TENM4: variants seen among roughly 807,000 people sequenced by gnomAD.
The protein encoded by TENM4 is teneurin transmembrane protein 4, also known as teneurin-4.
A neutral mutation model predicts 243.3 loss-of-function variants in TENM4; 82 were observed. The ratio of observed to expected loss-of-function variants is 0.34; its 90% CI spans 0.28 to 0.40. TENM4 has a LOEUF of 0.40. Ranked by LOEUF, TENM4 falls within the 10% of genes least tolerant of loss-of-function variation. The pLI is 1.00. For synonymous variants in TENM4, 1,412 were observed against 1,456.3 expected (o/e 0.97, Z 0.69); for missense variants, 3,138 against 3,673.3 (o/e 0.85, Z 3.77).
intron 2 of TENM4, among the ~76,000 whole-genome samples, chr11:79,251,812 G>GA (rs57053640): frequency 0.2 from 30,053 of 148,064 alleles, 3,968 homozygotes; most frequent in African/African-American, 0.39. Flanking sequence ...TCGAAAAAAT[G>GA]AAAAAAAAAC....
At chr11:78,946,142 A>G (rs1029804875) in intron 6 of TENM4, among the ~76,000 whole-genome samples, 1 of 152,236 alleles carries the variant, frequency 6.6e-6, no homozygotes. Context: ...TTTCATAGTT[A>G]GAGAGGAAAA....
chr11:78,878,323 G>A lies in TENM4; in HGVS notation c.1084+11462C>T, dbSNP rs376724771. On this transcript the variant is annotated intron_variant, in intron 9 of 33. Transcript: ENST00000278550. Reference sequence around the variant, plus strand: ...TACTAAGTATGACGGAAATTTTTTCGGCCCTCATGGAGCTCATAATCTAAT... The same window carrying A: ...TACTAAGTATGACGGAAATTTTTTCAGCCCTCATGGAGCTCATAATCTAAT... Among the ~76,000 whole-genome samples, 6 of 152,050 alleles carry A rather than the reference G, an allele frequency of 3.9e-5. No individual in the cohort carries two copies. In the South Asian group the frequency reaches 8.3e-4, roughly 21 times the overall value.
At chr11:79,365,615 C>T (rs748278627) in intron 1 of TENM4, among the ~76,000 whole-genome samples, 1 of 152,186 alleles carries the variant, frequency 6.6e-6, no homozygotes, top group Non-Finnish European at 1.5e-5. Flanking sequence ...AACATGACAG[C>T]CACAGCTACT....
chr11:79,234,757 G>A (rs1410223011), intron 2 of TENM4, among the ~76,000 whole-genome samples: 2 of 152,162 alleles, frequency 1.3e-5, no homozygotes, highest in Non-Finnish European at 2.9e-5. Context: ...GAATGGAGGT[G>A]GGTTTATTTC....
intron 10 of TENM4, among the ~76,000 whole-genome samples, chr11:78,857,808 G>A (rs1470094829): frequency 1.3e-5 from 2 of 152,216 alleles, no homozygotes; most frequent in South Asian, 2.1e-4. Context: ...AGATGGAAGA[G>A]AATTATTTAC....
chr11:79,183,959 T>TA, intron 3 of TENM4, among the ~76,000 whole-genome samples: 1 of 152,306 alleles, frequency 6.6e-6, no homozygotes, highest in Non-Finnish European at 1.5e-5. Context: ...TTCCTCAATT[T>TA]AATTATAAAA....
chr11:79,038,095 C>T (rs1859433004), intron 6 of TENM4, among the ~76,000 whole-genome samples: 1 of 152,224 alleles, frequency 6.6e-6, no homozygotes, highest in Non-Finnish European at 1.5e-5. Flanking sequence ...CCGGAGACAA[C>T]CATCGCCTGA....
chr11:78,839,033 G>A (rs567310734), intron 12 of TENM4, among the ~76,000 whole-genome samples: 15 of 152,126 alleles, frequency 9.9e-5, no homozygotes, highest in Admixed American at 9.8e-4. Flanking sequence ...AATATTTGTA[G>A]TACTTCACTA....
chr11:79,244,041 A>AG (rs1855471445), intron 2 of TENM4, among the ~76,000 whole-genome samples: 1 of 152,180 alleles, frequency 6.6e-6, no homozygotes, highest in South Asian at 2.1e-4. Context: ...CCTTTGAGCA[A>AG]GTCCTACGAT....
At position 79,218,709 on chromosome 11, in the gene TENM4, C is replaced by T. The variant is rs183262507; in HGVS notation, c.-264-2800G>A. On this transcript the variant is annotated intron_variant, in intron 2 of 33. Coordinates refer to ENST00000278550, the MANE Select transcript of TENM4 (RefSeq NM_001098816.3). ...TTCAATCTTTCAATCTGTTTATTTC[C>T]TTTTCAAATCCCATCCCTAAATTCC... Among the ~76,000 whole-genome samples, 651 of 152,272 alleles carry T rather than the reference C, an allele frequency of 4.3e-3. 3 individuals carry two copies. Among genetic ancestry groups the T allele is most frequent in the Non-Finnish European group, 6.7e-3 (458 of 68,034 alleles).
chr11:78,777,790 G>T (rs1338682319), intron 17 of TENM4, among the ~76,000 whole-genome samples: 2 of 152,132 alleles, frequency 1.3e-5, no homozygotes, highest in Non-Finnish European at 2.9e-5. Context: ...TAGGGCCTGA[G>T]AACAAAAAGA....
At chr11:79,295,896 A>AACACACACAC (rs199711050) in intron 2 of TENM4, among the ~76,000 whole-genome samples, 10,795 of 130,738 alleles carry the variant, frequency 0.083, 736 homozygotes, top group African/African-American at 0.17. Context: ...CCAGGGATTA[A>AACACACACAC]ACACACACAC....
At chr11:78,748,286 G>T (rs1393107203) in intron 19 of TENM4, among the ~76,000 whole-genome samples, 3 of 152,182 alleles carry the variant, frequency 2.0e-5, no homozygotes, top group Non-Finnish European at 2.9e-5. Context: ...AAATCCCCAT[G>T]AGATATGGAT....
intron 6 of TENM4, among the ~76,000 whole-genome samples, chr11:78,973,465 T>C (rs1857586080): frequency 6.6e-6 from 1 of 152,236 alleles, no homozygotes; most frequent in South Asian, 2.1e-4. Flanking sequence ...ATTTGCCATT[T>C]GTACATCTTC....
chr11:79,253,864 G>C (rs1855655260), intron 2 of TENM4, among the ~76,000 whole-genome samples: 1 of 152,108 alleles, frequency 6.6e-6, no homozygotes, highest in South Asian at 2.1e-4. Context: ...GAAAAAAATA[G>C]ACAAAGAATA....
At chr11:79,146,272 C>A (rs1565223525) in intron 4 of TENM4, among the ~76,000 whole-genome samples, 1 of 152,084 alleles carries the variant, frequency 6.6e-6, no homozygotes, top group Admixed American at 6.6e-5. Context: ...CCAACATTGG[C>A]CTGGATCAAC....
chr11:79,163,150 A>G (rs573343444), intron 3 of TENM4, among the ~76,000 whole-genome samples: 1 of 152,142 alleles, frequency 6.6e-6, no homozygotes, highest in African/African-American at 2.4e-5. Flanking sequence ...CCTCTGCCCA[A>G]TGGCACAGAC....
chr11:78,857,159 T>C (rs1858700797), intron 10 of TENM4, among the ~76,000 whole-genome samples: 1 of 152,202 alleles, frequency 6.6e-6, no homozygotes. Context: ...CTAGGGATGT[T>C]AGGAAGACCA....
chr11:79,413,679 G>GA (rs927116358), intron 1 of TENM4, among the ~76,000 whole-genome samples: 9 of 150,106 alleles, frequency 6.0e-5, no homozygotes, highest in Non-Finnish European at 7.4e-5. Flanking sequence ...TAGTTTAGGA[G>GA]AAAAAAAAAG....
Sources: gnomAD v4.1 joint callset for allele counts (sites outside exome capture counted in the v4.1 genomes callset) on GRCh38, gnomAD v4.1.1 for gene constraint, MANE v1.5 for transcripts, NCBI Gene and HGNC (gene_info 2026-07-23, HGNC 2026-07-21) for gene names.